USP9Y: variants seen among roughly 807,000 people sequenced by gnomAD.
The protein encoded by USP9Y is ubiquitin specific peptidase 9 Y-linked.
Under a neutral mutation model 53.1 loss-of-function variants are expected in USP9Y, and 41 were observed. That is an observed-to-expected ratio of 0.77 (90% CI 0.60 to 1.00). The LOEUF (loss-of-function observed/expected upper bound fraction) is 1.00, where lower values mean the gene tolerates loss of function less well. Among genes scored for constraint, USP9Y ranks in the 50% least tolerant of loss-of-function variants. USP9Y has a pLI of 0.00. For synonymous variants in USP9Y, 220 were observed against 173.7 expected, an observed-to-expected ratio of 1.27 and a Z score of -2.09; for missense variants, 567 against 535.8, an observed-to-expected ratio of 1.06 and a Z score of -0.58.
chrY:12,715,545 G>A, intron 3 of USP9Y, among the ~76,000 whole-genome samples: 1 of 32,293 alleles, frequency 3.1e-5, no homozygotes, highest in Non-Finnish European at 7.5e-5. Context: ...AACTCCTGAC[G>A]TCATGATCCA....
intron 22 of USP9Y, among the ~76,000 whole-genome samples, chrY:12,780,475 G>A (rs2053497748): frequency 3.0e-5 from 1 of 32,940 alleles, no homozygotes; most frequent in Admixed American, 2.8e-4. Flanking sequence ...TCATTTTGCC[G>A]AAGCACACCC....
In USP9Y at chrY:12,840,524, A is replaced by G; in HGVS notation, c.5998A>G (p.Met2000Val). 2.5e-6 allele frequency: 1 copy of G among 398,161 alleles called. No homozygotes were observed. ...RSVRKQNVKF[M>V]HNRLQYSLEY... ...TGTACGGAAACAAAATGTGAAATTT[A>G]TGCATAACCGATTGCAATATAGTTT... Residue 2000 changes from methionine (M) to valine (V), a missense_variant, in exon 36 of 46, where the codon ATG becomes GTG. Coordinates refer to ENST00000338981, the MANE Select transcript of USP9Y (RefSeq NM_004654.4).
chrY:12,841,354 ATTAT>A, intron 37 of USP9Y, among the ~76,000 whole-genome samples: 1 of 33,232 alleles, frequency 3.0e-5, no homozygotes, highest in Admixed American at 2.8e-4. Flanking sequence ...TCATCATTTA[ATTAT>A]TTTATTTTTA....
At position 12,795,123 on chromosome Y, in the gene USP9Y, C is replaced by T; in HGVS notation, c.3983+1922C>T. Among the ~76,000 whole-genome samples the T allele has an allele frequency of 1.8e-4, 6 of 33,712 alleles. No homozygotes were observed. In the South Asian group the frequency reaches 2.6e-3, roughly 14 times the overall value. 90.4% of individuals were successfully genotyped at this position (33,712 alleles called of 37,273 possible). A position where few individuals can be genotyped will look rare whatever the true frequency, so the allele number is the denominator to read the frequency against. On this transcript the variant is annotated intron_variant, in intron 27 of 45. Transcript: ENST00000338981. ...CTTCAACACTCTTATTTCTTCTCTGCGAAATTATTTCTAAGTACTGTAGTG... is the reference window on the plus strand; with the variant it reads ...CTTCAACACTCTTATTTCTTCTCTGTGAAATTATTTCTAAGTACTGTAGTG...
Position 12,839,927 on chromosome Y carries a change from C to T in USP9Y, c.5401C>T (p.Arg1801Ter). 5.0e-6 allele frequency: 2 copies of T among 396,056 alleles called. No individual in the cohort carries two copies. Among genetic ancestry groups the T allele is most frequent in the Non-Finnish European group, 7.1e-6 (2 of 282,726 alleles). ...LPRVLAIQLK[R>*]FDYDWERECA... ...TCGGGTTCTTGCTATCCAACTCAAA[C>T]GATTTGACTATGACTGGGAAAGAGA... is the stretch of plus-strand genomic sequence containing the variant. The change falls in exon 36 of 46, where the codon CGA becomes TGA. Residue 1801 changes from arginine to a stop codon, truncating the protein, a stop_gained. Coordinates refer to ENST00000338981, the MANE Select transcript of USP9Y (RefSeq NM_004654.4). LOFTEE classifies it high-confidence loss of function.
At chrY:12,712,365 A>C in intron 3 of USP9Y, among the ~76,000 whole-genome samples, 5 of 33,719 alleles carry the variant, frequency 1.5e-4, no homozygotes, top group Non-Finnish European at 2.9e-4. Flanking sequence ...TATTGTTAGG[A>C]GCATATACAT....
chrY:12,767,196 G>A (rs928998139), intron 15 of USP9Y, among the ~76,000 whole-genome samples: 2 of 33,097 alleles, frequency 6.0e-5, no homozygotes, highest in South Asian at 1.4e-3. Context: ...TAAAGGCCAG[G>A]TTCTGAGGCC....
At chrY:12,777,383 T>C in intron 19 of USP9Y, among the ~76,000 whole-genome samples, 1 of 33,302 alleles carries the variant, frequency 3.0e-5, no homozygotes, top group South Asian at 6.4e-4. Flanking sequence ...AACTAAATCA[T>C]ATAAGTATAA....
intron 22 of USP9Y, among the ~76,000 whole-genome samples, chrY:12,780,884 T>C (rs2053497932): frequency 3.0e-5 from 1 of 33,283 alleles, no homozygotes; most frequent in Non-Finnish European, 7.4e-5. Context: ...TTTGTATAAA[T>C]AGCATCTGAT....
intron 22 of USP9Y, among the ~76,000 whole-genome samples, chrY:12,783,722 A>C: frequency 3.0e-5 from 1 of 33,183 alleles, no homozygotes; most frequent in Non-Finnish European, 7.5e-5. Context: ...AGGATAGTGA[A>C]GTAGAGCACA....
chrY:12,709,357 T>G, intron 2 of USP9Y, 31 bp from the exon 3 acceptor site: 7 of 219,365 alleles, frequency 3.2e-5, no homozygotes, highest in South Asian at 2.3e-4. Flanking sequence ...TACTTCATCT[T>G]CTATATGTGG....
chrY:12,751,824 T>G (rs887247621), intron 12 of USP9Y, among the ~76,000 whole-genome samples: 1 of 34,007 alleles, frequency 2.9e-5, no homozygotes, highest in Non-Finnish European at 7.3e-5. Flanking sequence ...AAACTTCTTT[T>G]TCTTCTCCCA....
chrY:12,707,892 C>T, intron 1 of USP9Y, among the ~76,000 whole-genome samples: 1 of 31,005 alleles, frequency 3.2e-5, no homozygotes, highest in South Asian at 7.5e-4. Context: ...GTGCCTGTCA[C>T]CATGCCCAGC....
intron 1 of USP9Y, among the ~76,000 whole-genome samples, chrY:12,707,394 G>A: frequency 2.9e-5 from 1 of 34,012 alleles, no homozygotes; most frequent in East Asian, 7.7e-4. Flanking sequence ...TGGGATTACA[G>A]GTGTGAGCCA....
In USP9Y at chrY:12,859,325, A is replaced by G; in HGVS notation, c.7577A>G (p.His2526Arg). 2.5e-6 allele frequency: 1 copy of G among 398,322 alleles called. No homozygotes were observed. Residue 2526 changes from histidine to arginine, a missense_variant, in exon 46 of 46, where the codon CAC becomes CGC. Physicochemically the swap from His to Arg is conservative, Grantham distance 29 (BLOSUM62 0). Coordinates refer to ENST00000338981, the MANE Select transcript of USP9Y (RefSeq NM_004654.4). ...GQPYTGPAAHHLNNPQKTGQR... is the reference protein window; with the variant it reads ...GQPYTGPAAHRLNNPQKTGQR... ...CCATATACAGGACCAGCAGCACATC[A>G]CTTGAACAACCCTCAGAAAACAGGC...
chrY:12,767,176 C>T (rs2053480819), intron 15 of USP9Y, among the ~76,000 whole-genome samples: 1 of 33,044 alleles, frequency 3.0e-5, no homozygotes, highest in African/African-American at 1.2e-4. Context: ...CAGTCCTGCA[C>T]GCACATGATT....
rs908496084 is a variant in USP9Y at position 12,855,353 on chromosome Y, G to A, written c.7065-987G>A. ...CAGCCTCCCAAGTAGCTGGGATTAC[G>A]CACATGCACCACCATGCCTGGCTAA... On this transcript the variant is annotated intron_variant, in intron 42 of 45. Coordinates refer to ENST00000338981, the MANE Select transcript of USP9Y (RefSeq NM_004654.4). Among the ~76,000 whole-genome samples, 3 of 32,678 alleles carry A rather than the reference G, an allele frequency of 9.2e-5. No individual in the cohort carries two copies. The East Asian group carries it at 2.4e-3, about 26-fold the overall frequency. 87.7% of individuals were successfully genotyped at this position (32,678 alleles called of 37,273 possible). A position where few individuals can be genotyped will look rare whatever the true frequency, so the allele number is the denominator to read the frequency against.
intron 27 of USP9Y, among the ~76,000 whole-genome samples, chrY:12,807,922 C>T: frequency 9.0e-5 from 3 of 33,248 alleles, no homozygotes; most frequent in African/African-American, 3.6e-4. Context: ...TCAGTTTTTA[C>T]AACTGGATCT....
rs1186113344 is a variant in USP9Y at position 12,725,131 on chromosome Y, A to T, written c.344A>T (p.Glu115Val). ...LSVKGLDVKSEACQRFFRDGL... is the reference protein window; with the variant it reads ...LSVKGLDVKSVACQRFFRDGL... ...TTTTTAGGCCTTGATGTTAAAAGTG[A>T]AGCATGCCAACGTTTTTTTCGAGAT... The change falls in exon 6 of 46, where the codon GAA (glutamate) becomes GTA (valine). Residue 115 changes from glutamate (E) to valine (V), a missense_variant. Glu to Val is a moderately radical substitution (Grantham distance 121). Coordinates refer to ENST00000338981, the MANE Select transcript of USP9Y (RefSeq NM_004654.4). 2 of 397,119 alleles carry T rather than the reference A, an allele frequency of 5.0e-6. No individual in the cohort carries two copies. Among genetic ancestry groups the T allele is most frequent in the Non-Finnish European group, 7.1e-6 (2 of 282,355 alleles).
Sources: gnomAD v4.1 joint callset for allele counts (sites outside exome capture counted in the v4.1 genomes callset) on GRCh38, gnomAD v4.1.1 for gene constraint, MANE v1.5 for transcripts, NCBI Gene and HGNC (gene_info 2026-07-23, HGNC 2026-07-21) for gene names.